Variants in BCAS3 observed in about 807,000 individuals in gnomAD.
BCAS3 encodes BCAS3 microtubule associated cell migration factor.
Under a neutral mutation model 116.1 loss-of-function variants are expected in BCAS3, and 53 were observed. The observed-to-expected ratio is 0.46, with a 90% CI of 0.37 to 0.57. The LOEUF (loss-of-function observed/expected upper bound fraction) is 0.57, where lower values mean the gene tolerates loss of function less well. Among genes scored for constraint, BCAS3 ranks in the 20% least tolerant of loss-of-function variants. The pLI is 0.00. For synonymous variants in BCAS3, 391 were observed against 408.2 expected, an observed-to-expected ratio of 0.96 and a Z score of 0.51; for missense variants, 917 against 1,165.4, an observed-to-expected ratio of 0.79 and a Z score of 3.10.
rs1183254628 is a variant in BCAS3, at chr17:61,316,725, C to T, written c.2426-51602C>T. Among the ~76,000 whole-genome samples, 1 of 152,200 alleles carries T rather than the reference C, an allele frequency of 6.6e-6. No individual in the cohort carries two copies. Among genetic ancestry groups the T allele is most frequent in the Non-Finnish European group, 1.5e-5 (1 of 68,050 alleles). On this transcript the variant is annotated intron_variant, in intron 22 of 23. Coordinates refer to ENST00000407086, the MANE Select transcript of BCAS3 (RefSeq NM_017679.5). The surrounding 1 kb of genome is among the most constrained non-coding windows in gnomAD (Gnocchi z 5.8). The stretch of plus-strand genomic sequence containing the variant: ...TCTTTGGAAAAGAAATCCATGCCCT[C>T]GGAATGATGTGGCTCCTTCCTTTTT...
intron 20 of BCAS3, among the ~76,000 whole-genome samples, chr17:61,076,643 A>G (rs2143472930): frequency 6.6e-6 from 1 of 152,288 alleles, no homozygotes; most frequent in African/African-American, 2.4e-5. Flanking sequence ...AAGTATATAC[A>G]ATGTGTTTGT....
rs2075819386 is a variant in BCAS3, at chr17:61,122,038, G to A, written c.2425+37474G>A. ...CCACTGTGCCCGGCCAAAAACATAT[G>A]ATTTTTACAAAAGAAAATTTAAGAG... On this transcript the variant is annotated intron_variant, in intron 22 of 23. Transcript: ENST00000407086. The surrounding 1 kb of genome is among the most constrained non-coding windows in gnomAD (Gnocchi z 4.6). 6.6e-6 allele frequency among the ~76,000 whole-genome samples: 1 copy of A among 152,138 alleles called. No homozygotes were observed. The highest frequency in any genetic ancestry group is 6.5e-5 in the Admixed American group (1 of 15,274).
chr17:61,274,909 A>G (rs1196983685), intron 22 of BCAS3, among the ~76,000 whole-genome samples: 1 of 152,212 alleles, frequency 6.6e-6, no homozygotes, highest in Non-Finnish European at 1.5e-5. Context: ...CTCAGGCTGG[A>G]GTGCAGTAGT....
chr17:61,294,735 A>G (rs2052735298), intron 22 of BCAS3, among the ~76,000 whole-genome samples: 2 of 152,224 alleles, frequency 1.3e-5, no homozygotes, highest in Non-Finnish European at 2.9e-5. Context: ...ACTTAAAAAC[A>G]TTAAGACGTG....
chr17:60,930,121 T>A (rs577306938), intron 13 of BCAS3, among the ~76,000 whole-genome samples: 2 of 152,298 alleles, frequency 1.3e-5, no homozygotes, highest in South Asian at 4.1e-4. Context: ...TTCCAAAATA[T>A]AACTAATAGA....
intron 22 of BCAS3, among the ~76,000 whole-genome samples, chr17:61,305,427 C>T (rs1443725437): frequency 6.6e-6 from 1 of 152,148 alleles, no homozygotes; most frequent in Non-Finnish European, 1.5e-5. Context: ...ATTGGTCAGC[C>T]TGGGTTCAAA....
chr17:60,951,764 CTTTTTTTTTTTTT>C (rs769133578), intron 14 of BCAS3, among the ~76,000 whole-genome samples: 2 of 109,552 alleles, frequency 1.8e-5, no homozygotes, highest in Non-Finnish European at 3.6e-5. Flanking sequence ...TCTTTTCTTT[CTTTTTTTTTTTTT>C]TTTTTTTTTC....
chr17:61,389,189 CAGA>C (rs1300788867), intron 23 of BCAS3: 1 of 158,682 alleles, frequency 6.3e-6, no homozygotes, highest in African/African-American at 2.4e-5. Flanking sequence ...GACGGGCTCA[CAGA>C]GGAGTGGACA....
At chr17:60,857,328 C>T (rs1169000572) in intron 7 of BCAS3, among the ~76,000 whole-genome samples, 1 of 152,130 alleles carries the variant, frequency 6.6e-6, no homozygotes. Flanking sequence ...CTAAACTTGG[C>T]TCTAAAAACT....
chr17:61,371,861 T>C (rs2059065502), intron 23 of BCAS3, among the ~76,000 whole-genome samples: 1 of 152,202 alleles, frequency 6.6e-6, no homozygotes, highest in Non-Finnish European at 1.5e-5. Flanking sequence ...ATGCTGAAGT[T>C]TGAGAAGGTC....
At chr17:60,796,153 G>A (rs9907423) in intron 6 of BCAS3, among the ~76,000 whole-genome samples, 28,211 of 152,074 alleles carry the variant, frequency 0.19, 4,073 homozygotes, top group African/African-American at 0.41. Flanking sequence ...AAGGATTTTA[G>A]CATCTGTGTT....
intron 22 of BCAS3, among the ~76,000 whole-genome samples, chr17:61,090,804 T>C (rs1176795039): frequency 2.6e-5 from 4 of 152,122 alleles, no homozygotes; most frequent in African/African-American, 4.8e-5. Context: ...ATTACAGGCA[T>C]GTGCCACCAT....
chr17:60,770,147 C>G (rs2044517031), intron 6 of BCAS3, among the ~76,000 whole-genome samples: 1 of 152,218 alleles, frequency 6.6e-6, no homozygotes, highest in East Asian at 1.9e-4. Context: ...CAAGTTCTCT[C>G]TCTGCAGCAA....
At position 61,128,584 on chromosome 17, in the gene BCAS3, T is replaced by TA. The variant is rs1047215620; in HGVS notation, c.2425+44027dup. 6.1e-6 allele frequency: 6 copies of TA among 985,048 alleles called. No individual in the cohort carries two copies. The African/African-American group carries it at 1.0e-4, about 17-fold the overall frequency. The allele number at this position is 985,048 out of a possible 1,614,324, so 61.0% of individuals were successfully genotyped here. ...TACACAATCCCCAGCACTTATAAAA[T>TA]AAAAAAAGTATGGAGAGAGAGAAAG... On this transcript the variant is annotated intron_variant, in intron 22 of 23. Transcript: ENST00000407086. The surrounding 1 kb of genome is among the most constrained non-coding windows in gnomAD (Gnocchi z 4.1).
In BCAS3 at chr17:61,368,723, C is replaced by T. The variant is rs1285895827; in HGVS notation, c.2593+229C>T. 6.6e-6 allele frequency among the ~76,000 whole-genome samples: 1 copy of T among 152,224 alleles called. No homozygotes were observed. The highest frequency in any genetic ancestry group is 1.5e-5 in the Non-Finnish European group (1 of 68,040). On this transcript the variant is annotated intron_variant, in intron 23 of 23. Transcript: ENST00000407086. This position sits in a 1 kb window ranked among gnomAD's most constrained non-coding sequence, Gnocchi z 6.0. ...CGTGGAATACCACATGCAGGATTGC[C>T]ATGATCAACACCACTGTGCAAGTGG...
At position 61,073,151 on chromosome 17, in the gene BCAS3, A is replaced by G. The variant is rs1479585577; in HGVS notation, c.2030-1769A>G. 1.3e-5 allele frequency among the ~76,000 whole-genome samples: 2 copies of G among 152,206 alleles called. No individual in the cohort carries two copies. The highest frequency in any genetic ancestry group is 2.4e-5 in the African/African-American group (1 of 41,458). Reference sequence around the variant, plus strand: ...ATGCTGAAATAATAGTTATTGTGATATTCTTTTCTTCTTGATATAATTTGT... The same window carrying G: ...ATGCTGAAATAATAGTTATTGTGATGTTCTTTTCTTCTTGATATAATTTGT... On this transcript the variant is annotated intron_variant, in intron 19 of 23. Transcript: ENST00000407086. This position sits in a 1 kb window ranked among gnomAD's most constrained non-coding sequence, Gnocchi z 4.6.
chr17:60,707,086 G>A (rs1012175009), intron 4 of BCAS3, among the ~76,000 whole-genome samples: 1 of 151,672 alleles, frequency 6.6e-6, no homozygotes, highest in African/African-American at 2.4e-5. Context: ...CTGCCTCCTG[G>A]GTTCAAGCCA....
chr17:60,795,469 G>A (rs1300173798), intron 6 of BCAS3, among the ~76,000 whole-genome samples: 3 of 152,142 alleles, frequency 2.0e-5, no homozygotes, highest in Admixed American at 1.3e-4. Context: ...GAGGAGTGGT[G>A]AAAGTGGGCA....
At chr17:61,045,707 T>C (rs2067992260) in intron 19 of BCAS3, among the ~76,000 whole-genome samples, 1 of 140,080 alleles carries the variant, frequency 7.1e-6, no homozygotes, top group Non-Finnish European at 1.5e-5. Context: ...TTCCAGCTAC[T>C]CGGAAGGCTG....
Sources: gnomAD v4.1 joint callset for allele counts (sites outside exome capture counted in the v4.1 genomes callset) on GRCh38, gnomAD v4.1.1 for gene constraint, Gnocchi (gnomAD v3.1) non-coding constraint, MANE v1.5 for transcripts, NCBI Gene and HGNC (gene_info 2026-07-23, HGNC 2026-07-21) for gene names.